ANKRD30BL: variants seen among roughly 807,000 people sequenced by gnomAD.
ANKRD30BL encodes ankyrin repeat domain 30B like.
In ANKRD30BL, 20 loss-of-function variants were observed where a neutral mutation model predicts 18.4. The ratio of observed to expected loss-of-function variants is 1.09; its 90% CI spans 0.77 to 1.58. The LOEUF is 1.58. Among genes scored for constraint, ANKRD30BL ranks in the 40% most tolerant of loss-of-function variants. The pLI is 0.00. For synonymous variants in ANKRD30BL, 72 were observed against 100.9 expected, an observed-to-expected ratio of 0.71 and a Z score of 1.72; for missense variants, 224 against 268.6, an observed-to-expected ratio of 0.83 and a Z score of 1.16.
chr2:132,249,155 G>A (rs1316888764), intron 1 of ANKRD30BL, among the ~76,000 whole-genome samples: 6 of 151,914 alleles, frequency 3.9e-5, no homozygotes, highest in African/African-American at 7.2e-5. Context: ...AGGCCTCAAA[G>A]TGTTCACAAA....
rs577574874 is a variant in ANKRD30BL, at chr2:132,191,590, T to A, written n.442-34444A>T. Among the ~76,000 whole-genome samples the A allele has an allele frequency of 3.2e-4, 48 of 152,288 alleles. 1 individual carries two copies. The South Asian group carries it at 4.4e-3, about 14-fold the overall frequency. On this transcript the variant is annotated intron_variant and non_coding_transcript_variant, in intron 1 of 4. Transcript: ENST00000470729. ...ATAGTTTCTGTGCAGTGTTATTGCA[T>A]TTTGATTTTTAAGTTCCATTCCCAG...
At chr2:132,237,236 T>G (rs907520997) in intron 1 of ANKRD30BL, among the ~76,000 whole-genome samples, 3 of 152,008 alleles carry the variant, frequency 2.0e-5, no homozygotes, top group Non-Finnish European at 4.4e-5. Context: ...GTAACTAACC[T>G]GCACAATGTG....
chr2:132,176,363 A>G (rs1162056939), intron 1 of ANKRD30BL, among the ~76,000 whole-genome samples: 1 of 152,146 alleles, frequency 6.6e-6, no homozygotes, highest in Non-Finnish European at 1.5e-5. Context: ...CCCTGTCTCT[A>G]CTAAAAATAC....
chr2:132,218,799 A>G (rs1226972692), intron 1 of ANKRD30BL, among the ~76,000 whole-genome samples: 2 of 152,160 alleles, frequency 1.3e-5, no homozygotes, highest in East Asian at 3.9e-4. Context: ...AAATGGGAAT[A>G]TCTTCACATA....
intron 1 of ANKRD30BL, among the ~76,000 whole-genome samples, chr2:132,231,100 G>A (rs1253837188): frequency 6.8e-6 from 1 of 147,890 alleles, no homozygotes; most frequent in Admixed American, 6.7e-5. Context: ...TTTTTGTGGA[G>A]TCTGCAAGTG....
intron 3 of ANKRD30BL, 86 bp downstream of exon 3, chr2:132,156,887 C>T: frequency 4.4e-6 from 2 of 451,662 alleles, no homozygotes; most frequent in Non-Finnish European, 7.6e-6. Context: ...AATGTTTGAG[C>T]TTCCAAATAT....
intron 1 of ANKRD30BL, among the ~76,000 whole-genome samples, chr2:132,237,238 C>T (rs1680174685): frequency 6.6e-6 from 1 of 152,114 alleles, no homozygotes; most frequent in South Asian, 2.1e-4. Flanking sequence ...AACTAACCTG[C>T]ACAATGTGCA....
chr2:132,228,024 T>A (rs892402496), intron 1 of ANKRD30BL, among the ~76,000 whole-genome samples: 1 of 152,136 alleles, frequency 6.6e-6, no homozygotes, highest in Non-Finnish European at 1.5e-5. Flanking sequence ...TTTGAAACTG[T>A]CTTTTTGTTG....
chr2:132,255,274 C>T (rs1680798393), intron 1 of ANKRD30BL, among the ~76,000 whole-genome samples: 2 of 152,130 alleles, frequency 1.3e-5, no homozygotes, highest in Admixed American at 1.3e-4. Context: ...TATGAATGCC[C>T]CCGGCCGTCC....
chr2:132,153,075 G>T (rs1364415939), intron 4 of ANKRD30BL, among the ~76,000 whole-genome samples: 1 of 152,158 alleles, frequency 6.6e-6, no homozygotes, highest in African/African-American at 2.4e-5. Flanking sequence ...TTACCAGACT[G>T]CAGGAGCAGT....
intron 1 of ANKRD30BL, among the ~76,000 whole-genome samples, chr2:132,181,357 C>G (rs534389253): frequency 2.0e-4 from 30 of 151,702 alleles, no homozygotes; most frequent in Admixed American, 1.9e-3. Flanking sequence ...GCCTGTAATC[C>G]CAGCTACCTG....
At chr2:132,213,398 A>G (rs28828414) in intron 1 of ANKRD30BL, among the ~76,000 whole-genome samples, 26,946 of 109,522 alleles carry the variant, frequency 0.25, 5,107 homozygotes, top group African/African-American at 0.55. Context: ...TGACTGAGCA[A>G]TTTTGAAACA....
At chr2:132,220,562 C>T (rs1368686312) in intron 1 of ANKRD30BL, among the ~76,000 whole-genome samples, 114 of 152,024 alleles carry the variant, frequency 7.5e-4, no homozygotes, top group African/African-American at 2.7e-3. Flanking sequence ...GACGGGGTTT[C>T]GCTGTGTTGG....
intron 1 of ANKRD30BL, among the ~76,000 whole-genome samples, chr2:132,197,378 A>T (rs1678990321): frequency 6.6e-6 from 1 of 152,098 alleles, no homozygotes; most frequent in Admixed American, 6.5e-5. Flanking sequence ...CCTCTTGCTT[A>T]TTCTAGTTTG....
intron 1 of ANKRD30BL, among the ~76,000 whole-genome samples, chr2:132,190,894 A>G (rs1471822876): frequency 6.6e-6 from 1 of 152,118 alleles, no homozygotes; most frequent in African/African-American, 2.4e-5. Flanking sequence ...AAAACATACT[A>G]TTGTAGGATT....
intron 1 of ANKRD30BL, among the ~76,000 whole-genome samples, chr2:132,225,416 T>A (rs527277070): frequency 1.3e-5 from 2 of 152,240 alleles, no homozygotes; most frequent in East Asian, 3.9e-4. Flanking sequence ...ATAGAGCAGT[T>A]TTGAAACACT....
At chr2:132,167,147 G>A (rs1321746663) in intron 1 of ANKRD30BL, among the ~76,000 whole-genome samples, 1 of 151,440 alleles carries the variant, frequency 6.6e-6, no homozygotes, top group Non-Finnish European at 1.5e-5. Context: ...TACTTTGTAT[G>A]AACTTTATTC....
intron 1 of ANKRD30BL, among the ~76,000 whole-genome samples, chr2:132,245,038 C>A (rs141440260): frequency 6.6e-6 from 1 of 152,272 alleles, no homozygotes; most frequent in Non-Finnish European, 1.5e-5. Flanking sequence ...AAACACTGTT[C>A]TTGTAGAATT....
chr2:132,177,081 A>G (rs572917965), intron 1 of ANKRD30BL, among the ~76,000 whole-genome samples: 6 of 152,324 alleles, frequency 3.9e-5, no homozygotes, highest in African/African-American at 1.4e-4. Context: ...CCCATTTTCA[A>G]TGCAAGTAGT....
Sources: allele counts gnomAD v4.1 joint callset (sites outside exome capture counted in the v4.1 genomes callset), GRCh38; gene constraint gnomAD v4.1.1; transcripts MANE v1.5; gene names NCBI Gene and HGNC (gene_info 2026-07-23, HGNC 2026-07-21).